The following DLGAP4 variants were observed in gnomAD, a reference collection of about 807,000 sequenced individuals.
DLGAP4 encodes DLG associated protein 4, also known as disks large-associated protein 4.
A neutral mutation model predicts 86.9 loss-of-function variants in DLGAP4; 18 were observed. The ratio of observed to expected loss-of-function variants is 0.21; its 90% CI spans 0.14 to 0.31. The LOEUF (loss-of-function observed/expected upper bound fraction) is 0.31. DLGAP4 is among the 10% of genes least tolerant of loss of function. The pLI is 1.00. For synonymous variants in DLGAP4, 548 were observed against 574.3 expected (o/e 0.95, Z 0.65); for missense variants, 1,085 against 1,362.6 (o/e 0.80, Z 3.21).
At chr20:36,434,012 T>C (rs1157118271) in intron 3 of DLGAP4, among the ~76,000 whole-genome samples, 5 of 141,418 alleles carry the variant, frequency 3.5e-5, no homozygotes, top group African/African-American at 1.3e-4. Flanking sequence ...GGCAGGATCC[T>C]GGCTCACTGC....
intron 1 of DLGAP4, among the ~76,000 whole-genome samples, chr20:36,358,498 T>G (rs1372006755): frequency 7.9e-5 from 12 of 152,294 alleles, no homozygotes; most frequent in African/African-American, 2.9e-4. Flanking sequence ...CTTGAAGGAC[T>G]TTGAATTGTA....
intron 1 of DLGAP4, among the ~76,000 whole-genome samples, chr20:36,340,820 C>T (rs890652421): frequency 1.3e-5 from 2 of 152,186 alleles, no homozygotes; most frequent in Non-Finnish European, 2.9e-5. Context: ...GCAGGTGCTG[C>T]GATCCAGCGG....
chr20:36,434,635 G>A (rs1170413814), intron 3 of DLGAP4, among the ~76,000 whole-genome samples: 1 of 152,190 alleles, frequency 6.6e-6, no homozygotes, highest in Non-Finnish European at 1.5e-5. Flanking sequence ...AAGGGACAGT[G>A]GGGATAGTGG....
At chr20:36,319,465 C>T (rs1555890307) in intron 1 of DLGAP4, among the ~76,000 whole-genome samples, 1 of 152,182 alleles carries the variant, frequency 6.6e-6, no homozygotes, top group East Asian at 1.9e-4. Flanking sequence ...TGTGCTCTCT[C>T]CTGACACCCG....
At chr20:36,487,270 C>T (rs560190404) in intron 7 of DLGAP4, among the ~76,000 whole-genome samples, 1 of 152,312 alleles carries the variant, frequency 6.6e-6, no homozygotes, top group African/African-American at 2.4e-5. Flanking sequence ...GGCCTTGGCA[C>T]TCCCTGGCAC....
chr20:36,498,454 G>A (rs1438715645), intron 8 of DLGAP4: 1 of 152,282 alleles, frequency 6.6e-6, no homozygotes, highest in Non-Finnish European at 1.5e-5. Flanking sequence ...AAGCCTAAGA[G>A]TTAGGACTAC....
At chr20:36,497,469 T>G in intron 8 of DLGAP4, 1 of 1,029,838 alleles carries the variant, frequency 9.7e-7, no homozygotes, top group Non-Finnish European at 1.2e-6. Flanking sequence ...GCGGAGGCCA[T>G]AGCCCCGCTT....
At chr20:36,364,879 G>A (rs1450726194) in intron 1 of DLGAP4, among the ~76,000 whole-genome samples, 1 of 152,098 alleles carries the variant, frequency 6.6e-6, no homozygotes, top group Non-Finnish European at 1.5e-5. Context: ...TGGATCACTT[G>A]AGGCCAGGAG....
intron 2 of DLGAP4, among the ~76,000 whole-genome samples, chr20:36,408,376 C>T (rs529064651): frequency 3.9e-5 from 6 of 152,136 alleles, no homozygotes; most frequent in East Asian, 1.9e-4. Context: ...TATCTGCACC[C>T]GAGGACTAAG....
At position 36,406,397 on chromosome 20, in the gene DLGAP4, CAA is replaced by C. The variant is rs72014350; in HGVS notation, c.-72-25230_-72-25229del. Among the ~76,000 whole-genome samples, 797 of 110,096 alleles carry C rather than the reference CAA, an allele frequency of 7.2e-3. 6 individuals are homozygous for C. Among genetic ancestry groups the C allele is most frequent in the African/African-American group, 0.027 (749 of 28,042 alleles). The allele number at this position is 110,096 out of a possible 152,430, so 72.2% of individuals were successfully genotyped here. A position where few individuals can be genotyped will look rare whatever the true frequency, so the allele number is the denominator to read the frequency against. The stretch of plus-strand genomic sequence containing the variant: ...TGGGTGACAGAGCGAGACTCCACCT[CAA>C]AAAAAAAAAAAAAAAAAATTCACCC... On this transcript the variant is annotated intron_variant, in intron 2 of 12. Transcript: ENST00000339266.
intron 1 of DLGAP4, among the ~76,000 whole-genome samples, chr20:36,320,766 G>A (rs1329484407): frequency 6.6e-6 from 1 of 152,098 alleles, no homozygotes; most frequent in African/African-American, 2.4e-5. Flanking sequence ...ATGAGACAGA[G>A]GCCTGGCCCT....
At chr20:36,465,883 A>G (rs369652083) in intron 7 of DLGAP4, among the ~76,000 whole-genome samples, 7 of 151,856 alleles carry the variant, frequency 4.6e-5, no homozygotes, top group Admixed American at 6.6e-5. Flanking sequence ...CTCTTCCCCT[A>G]TAGTGCCCTC....
At chr20:36,435,980 G>A (rs1295353661) in intron 3 of DLGAP4, 129 bp from the exon 4 acceptor site, 5 of 1,364,438 alleles carry the variant, frequency 3.7e-6, no homozygotes, top group Non-Finnish European at 4.8e-6. Context: ...AGGTTTCAAA[G>A]GCGGGAAACC....
chr20:36,526,228 A>G (rs983828473), intron 12 of DLGAP4: 1 of 650,428 alleles, frequency 1.5e-6, no homozygotes, highest in South Asian at 1.8e-5. Flanking sequence ...CCTGCCCTGC[A>G]TGTCCAGAAA....
intron 6 of DLGAP4, among the ~76,000 whole-genome samples, chr20:36,443,829 G>A (rs2033517914): frequency 1.3e-5 from 2 of 152,072 alleles, no homozygotes; most frequent in South Asian, 2.1e-4. Context: ...AGGTTACTAG[G>A]TGCATACTCT....
At chr20:36,311,233 T>TG (rs1178127311) in intron 1 of DLGAP4, among the ~76,000 whole-genome samples, 8,434 of 149,590 alleles carry the variant, frequency 0.056, 551 homozygotes, top group African/African-American at 0.16. Context: ...ACTCGGAGGG[T>TG]GGGGGGGGTG....
At chr20:36,510,791 A>C (rs1281282206) in intron 10 of DLGAP4, 1 of 152,196 alleles carries the variant, frequency 6.6e-6, no homozygotes, top group African/African-American at 2.4e-5. Context: ...TCCTGACCTC[A>C]AGTGATCCAC....
intron 1 of DLGAP4, among the ~76,000 whole-genome samples, chr20:36,331,292 G>A (rs1310397594): frequency 2.6e-5 from 4 of 151,970 alleles, no homozygotes; most frequent in Non-Finnish European, 4.4e-5. Context: ...GAGGCCAGGT[G>A]GGAGGGCCAA....
intron 7 of DLGAP4, among the ~76,000 whole-genome samples, chr20:36,484,261 G>C (rs1458246648): frequency 2.0e-5 from 3 of 152,220 alleles, no homozygotes; most frequent in Non-Finnish European, 4.4e-5. Context: ...TCTGTCAGTG[G>C]GAGATGTCAT....
Sources: gnomAD v4.1 joint callset for allele counts (sites outside exome capture counted in the v4.1 genomes callset) on GRCh38, gnomAD v4.1.1 for gene constraint, MANE v1.5 for transcripts, NCBI Gene and HGNC (gene_info 2026-07-23, HGNC 2026-07-21) for gene names.